LTBP1: variants seen among roughly 807,000 people sequenced by gnomAD.
The protein encoded by LTBP1 is latent transforming growth factor beta binding protein 1, also known as latent-transforming growth factor beta-binding protein 1.
LTBP1 carries 129 observed loss-of-function variants against 207.6 expected under a neutral mutation model. That is an observed-to-expected ratio of 0.62 (90% CI 0.54 to 0.72). The LOEUF (loss-of-function observed/expected upper bound fraction) is 0.72. Ranked by LOEUF, LTBP1 falls within the 30% of genes least tolerant of loss-of-function variation. The pLI is 0.00. For missense variants in LTBP1, 2,281 were observed against 2,217.2 expected, an observed-to-expected ratio of 1.03 and a Z score of -0.58; for synonymous variants, 963 against 833.7, an observed-to-expected ratio of 1.16 and a Z score of -2.67.
intron 7 of LTBP1, among the ~76,000 whole-genome samples, chr2:33,204,215 T>C (rs1262240261): frequency 6.6e-6 from 1 of 152,198 alleles, no homozygotes; most frequent in Admixed American, 6.5e-5. Flanking sequence ...CCATTTTTTT[T>C]CCCTCTTCTG....
Position 33,153,500 on chromosome 2 carries a change from G to A in LTBP1, c.1201+18540G>A, listed in dbSNP as rs533590423. ...TAAAAGAAAACTGAAATGAGAGCCT[G>A]CAAGCCTTAGAATGCGCTGGGGTCC... On this transcript the variant is annotated intron_variant, in intron 5 of 33. Coordinates refer to ENST00000404816, the MANE Select transcript of LTBP1 (RefSeq NM_206943.4). 1.3e-3 allele frequency among the ~76,000 whole-genome samples: 191 copies of A among 152,232 alleles called. 1 individual carries two copies. Among genetic ancestry groups the A allele is most frequent in the African/African-American group, 4.5e-3 (185 of 41,550 alleles).
At chr2:33,301,988 A>T (rs1298581513) in intron 22 of LTBP1, among the ~76,000 whole-genome samples, 1 of 152,228 alleles carries the variant, frequency 6.6e-6, no homozygotes, top group African/African-American at 2.4e-5. Flanking sequence ...CAAATAAGTA[A>T]ATACAACTTA....
At chr2:33,064,052 C>G (rs1052105506) in intron 3 of LTBP1, among the ~76,000 whole-genome samples, 3 of 152,044 alleles carry the variant, frequency 2.0e-5, no homozygotes, top group Non-Finnish European at 4.4e-5. Context: ...CGGGGTTTCA[C>G]CATGTTGGGC....
At chr2:32,983,219 C>G (rs954803957) in intron 2 of LTBP1, among the ~76,000 whole-genome samples, 1 of 152,230 alleles carries the variant, frequency 6.6e-6, no homozygotes, top group Non-Finnish European at 1.5e-5. Context: ...GGTTTAAAGA[C>G]TGTCCTGTTG....
chr2:33,137,222 T>G (rs747334532), intron 5 of LTBP1, among the ~76,000 whole-genome samples: 1 of 152,206 alleles, frequency 6.6e-6, no homozygotes, highest in Non-Finnish European at 1.5e-5. Flanking sequence ...TTGCAAAAAG[T>G]GATTTTCTGA....
At position 32,978,435 on chromosome 2, in the gene LTBP1, G is replaced by GT. The variant is rs962471519; in HGVS notation, c.565+29496dup. 7.9e-5 allele frequency among the ~76,000 whole-genome samples: 12 copies of GT among 152,052 alleles called. No homozygotes were observed. In the East Asian group the frequency reaches 2.1e-3, roughly 27 times the overall value. ...GAAGGGATGTTGAATTTTATCAAATGTTTTTTCAGCACCAATTGAAATGAT... is the reference window on the plus strand; with the variant it reads ...GAAGGGATGTTGAATTTTATCAAATGTTTTTTTCAGCACCAATTGAAATGAT... On this transcript the variant is annotated intron_variant, in intron 2 of 33. Transcript: ENST00000404816.
chr2:33,388,649 G>A (rs1306237317), intron 31 of LTBP1, among the ~76,000 whole-genome samples: 1 of 152,142 alleles, frequency 6.6e-6, no homozygotes, highest in African/African-American at 2.4e-5. Context: ...TCTCAGCATA[G>A]CTATAATGCT....
chr2:32,947,820 TA>T lies in LTBP1; in HGVS notation c.494+4del. ...TCACCAGAAGCAGCAGCTGCAGGGG[TA>T]AGCCCACACCCCCTTCCGCCCGCCC... On this transcript the variant is annotated splice_donor_region_variant and intron_variant, in intron 1 of 33. Transcript: ENST00000404816. 4.3e-6 allele frequency: 6 copies of T among 1,398,784 alleles called. No individual in the cohort carries two copies. Among genetic ancestry groups the T allele is most frequent in the Non-Finnish European group, 5.6e-6 (6 of 1,067,364 alleles). The allele number at this position is 1,398,784 out of a possible 1,614,324, so 86.6% of individuals were successfully genotyped here.
intron 5 of LTBP1, among the ~76,000 whole-genome samples, chr2:33,154,724 G>A (rs1310197632): frequency 6.6e-6 from 1 of 152,180 alleles, no homozygotes; most frequent in Admixed American, 6.5e-5. Flanking sequence ...CAAAGGTTAT[G>A]TGTTTATTTA....
rs72791763 is a variant in LTBP1, at chr2:33,022,497, G to A, written c.863+1291G>A. ...CTCTTTTAAACACTTATTGTGTATTGTTCACTTACAGCTCACAAGGATCCT... is the reference window on the plus strand; with the variant it reads ...CTCTTTTAAACACTTATTGTGTATTATTCACTTACAGCTCACAAGGATCCT... On this transcript the variant is annotated intron_variant, in intron 3 of 33. Coordinates refer to ENST00000404816, the MANE Select transcript of LTBP1 (RefSeq NM_206943.4). 6.7e-3 allele frequency among the ~76,000 whole-genome samples: 1,027 copies of A among 152,172 alleles called. 5 individuals carry two copies. Among genetic ancestry groups the A allele is most frequent in the Admixed American group, 0.011 (163 of 15,282 alleles).
At chr2:33,207,420 A>G (rs952912326) in intron 7 of LTBP1, among the ~76,000 whole-genome samples, 8 of 152,202 alleles carry the variant, frequency 5.3e-5, no homozygotes, top group Non-Finnish European at 1.2e-4. Flanking sequence ...ATAGCCTGAA[A>G]TATCAGAGGA....
chr2:33,348,721 G>A (rs2094738299), intron 26 of LTBP1, among the ~76,000 whole-genome samples: 1 of 152,110 alleles, frequency 6.6e-6, no homozygotes, highest in Admixed American at 6.5e-5. Flanking sequence ...GTGATGCTTA[G>A]ATAGTCATGA....
chr2:33,209,247 A>G (rs1367150537), intron 7 of LTBP1, among the ~76,000 whole-genome samples: 1 of 152,112 alleles, frequency 6.6e-6, no homozygotes, highest in Non-Finnish European at 1.5e-5. Context: ...AACCATTGCT[A>G]TCTAAACCTG....
At position 33,104,057 on chromosome 2, in the gene LTBP1, C is replaced by T. The variant is rs1177032221; in HGVS notation, c.864-6525C>T. On this transcript the variant is annotated intron_variant, in intron 3 of 33. Coordinates refer to ENST00000404816, the MANE Select transcript of LTBP1 (RefSeq NM_206943.4). Reference sequence around the variant, plus strand: ...GGTTCCTTTCTGTGAGGTCCAAAGCCCTTTTCTTAACTGGAAAGGGCCTTG... The same window carrying T: ...GGTTCCTTTCTGTGAGGTCCAAAGCTCTTTTCTTAACTGGAAAGGGCCTTG... 2.0e-5 allele frequency among the ~76,000 whole-genome samples: 3 copies of T among 152,038 alleles called. No individual in the cohort carries two copies. In the East Asian group the frequency reaches 5.8e-4, roughly 29 times the overall value.
intron 3 of LTBP1, among the ~76,000 whole-genome samples, chr2:33,047,383 A>G (rs1038770578): frequency 2.0e-5 from 3 of 152,142 alleles, no homozygotes; most frequent in Non-Finnish European, 4.4e-5. Context: ...CCGGTAGTCA[A>G]TTCAGGAGCA....
At chr2:33,180,289 C>A (rs758580843) in intron 5 of LTBP1, among the ~76,000 whole-genome samples, 24 of 152,160 alleles carry the variant, frequency 1.6e-4, no homozygotes, top group Non-Finnish European at 2.9e-4. Context: ...AGTCCACATT[C>A]TTCTTTCTTG....
At chr2:33,189,720 C>T (rs1352600021) in intron 7 of LTBP1, among the ~76,000 whole-genome samples, 2 of 152,130 alleles carry the variant, frequency 1.3e-5, no homozygotes, top group Non-Finnish European at 2.9e-5. Context: ...TTCATGTTAT[C>T]TTTTATTTTC....
At chr2:33,360,569 G>T in intron 26 of LTBP1, 28 bp from the exon 27 acceptor site, 1 of 1,520,398 alleles carries the variant, frequency 6.6e-7, no homozygotes, top group South Asian at 1.1e-5. Context: ...GTGTCCTATT[G>T]TCACTCTACT....
intron 21 of LTBP1, 34 bp downstream of exon 21, chr2:33,300,607 C>T: frequency 6.3e-7 from 1 of 1,591,860 alleles, no homozygotes; most frequent in Non-Finnish European, 8.6e-7. Context: ...ACTGAAACTT[C>T]AGCTTAAAGC....
Sources: gnomAD v4.1 joint callset for allele counts (sites outside exome capture counted in the v4.1 genomes callset) on GRCh38, gnomAD v4.1.1 for gene constraint, MANE v1.5 for transcripts, NCBI Gene and HGNC (gene_info 2026-07-23, HGNC 2026-07-21) for gene names.